CLYBL: variants seen among roughly 807,000 people sequenced by gnomAD.
CLYBL encodes citramalyl-CoA lyase, also known as citramalyl-CoA lyase, mitochondrial.
Under a neutral mutation model 38.9 loss-of-function variants are expected in CLYBL, and 31 were observed. That is an observed-to-expected ratio of 0.80 (90% CI 0.60 to 1.08). The LOEUF (loss-of-function observed/expected upper bound fraction) is 1.08. Among genes scored for constraint, CLYBL ranks in the 50% least tolerant of loss-of-function variants. The pLI is 0.00. For missense variants in CLYBL, 434 were observed against 411.6 expected, an observed-to-expected ratio of 1.05 and a Z score of -0.47; for synonymous variants, 171 against 158.6, an observed-to-expected ratio of 1.08 and a Z score of -0.59.
At position 99,807,492 on chromosome 13, in the gene CLYBL, A is replaced by G. The variant is rs541527255; in HGVS notation, c.249+34482A>G. ...AAATGCGGTGTCTTTGTTTTTAAAA[A>G]GGAAAGATCTTCTGATACATGCTAC... is the stretch of plus-strand genomic sequence containing the variant. On this transcript the variant is annotated intron_variant, in intron 2 of 8. Transcript: ENST00000339105. Among the ~76,000 whole-genome samples, 4 of 152,348 alleles carry G rather than the reference A, an allele frequency of 2.6e-5. No individual in the cohort carries two copies. The South Asian group carries it at 8.3e-4, about 32-fold the overall frequency.
intron 2 of CLYBL, among the ~76,000 whole-genome samples, chr13:99,816,181 T>C (rs2050443952): frequency 6.6e-6 from 1 of 152,248 alleles, no homozygotes; most frequent in Non-Finnish European, 1.5e-5. Flanking sequence ...AACTTCTATA[T>C]TTGGCATAAA....
chr13:99,657,807 T>C, intron 1 of CLYBL, among the ~76,000 whole-genome samples: 1 of 152,032 alleles, frequency 6.6e-6, no homozygotes, highest in East Asian at 1.9e-4. Flanking sequence ...GCAATTAAGG[T>C]TTGTTATTGA....
At chr13:99,789,920 C>T (rs554446875) in intron 2 of CLYBL, among the ~76,000 whole-genome samples, 1 of 152,274 alleles carries the variant, frequency 6.6e-6, no homozygotes, top group South Asian at 2.1e-4. Flanking sequence ...AGTTAGTCTT[C>T]TTATTAAATT....
intron 1 of CLYBL, among the ~76,000 whole-genome samples, chr13:99,743,119 TAC>T (rs1367078101): frequency 6.6e-6 from 1 of 151,726 alleles, no homozygotes; most frequent in Non-Finnish European, 1.5e-5. Flanking sequence ...TTTAAAACAC[TAC>T]AGTGTTTAGG....
chr13:99,686,217 A>G (rs1238595580), intron 1 of CLYBL, among the ~76,000 whole-genome samples: 1 of 152,172 alleles, frequency 6.6e-6, no homozygotes, highest in Non-Finnish European at 1.5e-5. Flanking sequence ...CTTTCAATCC[A>G]GGCTACATGC....
intron 1 of CLYBL, among the ~76,000 whole-genome samples, chr13:99,683,872 AT>A (rs951783647): frequency 5.6e-4 from 81 of 144,086 alleles, no homozygotes; most frequent in African/African-American, 5.3e-4. Flanking sequence ...TATATATAAA[AT>A]TTTTTTTTTT....
At chr13:99,847,883 C>T (rs924498684) in intron 2 of CLYBL, among the ~76,000 whole-genome samples, 1 of 152,168 alleles carries the variant, frequency 6.6e-6, no homozygotes, top group East Asian at 1.9e-4. Context: ...TCCTTTCTCC[C>T]CAATGGAACG....
rs1237018512 is a variant in CLYBL, at chr13:99,865,864, C to A, written c.635-376C>A. On this transcript the variant is annotated intron_variant, in intron 5 of 8. Transcript: ENST00000339105. The surrounding 1 kb of genome is among the most constrained non-coding windows in gnomAD (Gnocchi z 4.7). Reference sequence around the variant, plus strand: ...TTGCTGTGAAACACGAACCATTGCCCTGCATAGCTGCTGGGCCACCCTTTG... The same window carrying A: ...TTGCTGTGAAACACGAACCATTGCCATGCATAGCTGCTGGGCCACCCTTTG... Among the ~76,000 whole-genome samples the A allele has an allele frequency of 6.6e-6, 1 of 152,192 alleles. No individual in the cohort carries two copies. The highest frequency in any genetic ancestry group is 6.5e-5 in the Admixed American group (1 of 15,286).
At chr13:99,880,050 G>GTGTATA (rs1555324322) in intron 7 of CLYBL, among the ~76,000 whole-genome samples, 2 of 97,592 alleles carry the variant, frequency 2.0e-5, no homozygotes, top group Non-Finnish European at 4.0e-5. Flanking sequence ...ATGTGTGTAT[G>GTGTATA]TATATATATA....
chr13:99,677,971 C>T (rs1238586942), intron 1 of CLYBL, among the ~76,000 whole-genome samples: 3 of 152,188 alleles, frequency 2.0e-5, no homozygotes, highest in Non-Finnish European at 4.4e-5. Context: ...GCTTTTCCTC[C>T]TGACATGCTA....
At chr13:99,786,188 G>T (rs2049788865) in intron 2 of CLYBL, among the ~76,000 whole-genome samples, 3 of 142,572 alleles carry the variant, frequency 2.1e-5, no homozygotes, top group Non-Finnish European at 3.1e-5. Flanking sequence ...TTTTTTTTCT[G>T]GCTTAGCTTT....
At chr13:99,857,641 T>C (rs1490122097) in intron 2 of CLYBL, among the ~76,000 whole-genome samples, 1 of 152,222 alleles carries the variant, frequency 6.6e-6, no homozygotes, top group East Asian at 1.9e-4. Context: ...AAGCATTCCT[T>C]GCTTCTCCCC....
chr13:99,809,972 A>G (rs929513516), intron 2 of CLYBL, among the ~76,000 whole-genome samples: 2 of 152,342 alleles, frequency 1.3e-5, no homozygotes. Context: ...AGAATAACCT[A>G]TGCCCAAGTT....
In CLYBL at chr13:99,876,273, C is replaced by G. The variant is rs140064523; in HGVS notation, c.927+5211C>G. Among the ~76,000 whole-genome samples the G allele has an allele frequency of 6.2e-3, 943 of 151,132 alleles. 9 individuals carry two copies. The highest frequency in any genetic ancestry group is 0.022 in the African/African-American group (903 of 41,242). On this transcript the variant is annotated intron_variant, in intron 7 of 8. Coordinates refer to ENST00000339105, the MANE Select transcript of CLYBL (RefSeq NM_206808.5). ...CGTCTCTACCAAAAATACAAAAAAT[C>G]AGCTGGGTGTGGTAGCGGGTGACTG...
chr13:99,652,669 C>T (rs977230678), intron 1 of CLYBL, among the ~76,000 whole-genome samples: 5 of 152,204 alleles, frequency 3.3e-5, no homozygotes, highest in African/African-American at 1.2e-4. Context: ...GGATGAGGTG[C>T]GAAAGGGTCC....
chr13:99,747,138 C>T (rs1031656893), intron 1 of CLYBL, among the ~76,000 whole-genome samples: 15 of 152,146 alleles, frequency 9.9e-5, no homozygotes, highest in African/African-American at 3.4e-4. Context: ...CTAACAGGCA[C>T]ATGCGCCATT....
chr13:99,703,893 T>A (rs1282546709), intron 1 of CLYBL, among the ~76,000 whole-genome samples: 1 of 152,212 alleles, frequency 6.6e-6, no homozygotes, highest in Non-Finnish European at 1.5e-5. Context: ...ACATATAAGA[T>A]AATGTATAGC....
intron 7 of CLYBL, among the ~76,000 whole-genome samples, chr13:99,885,537 GT>G (rs1295963476): frequency 6.6e-6 from 1 of 152,166 alleles, no homozygotes; most frequent in Non-Finnish European, 1.5e-5. Flanking sequence ...CATCAGATCT[GT>G]TTTAGAAAGA....
At chr13:99,764,758 C>T (rs140458701) in intron 1 of CLYBL, among the ~76,000 whole-genome samples, 70 of 152,228 alleles carry the variant, frequency 4.6e-4, no homozygotes, top group African/African-American at 1.6e-3. Context: ...GTCACTACAA[C>T]CCTGAACTCG....
Sources: gnomAD v4.1 joint callset for allele counts (sites outside exome capture counted in the v4.1 genomes callset) on GRCh38, gnomAD v4.1.1 for gene constraint, Gnocchi (gnomAD v3.1) non-coding constraint, MANE v1.5 for transcripts, NCBI Gene and HGNC (gene_info 2026-07-23, HGNC 2026-07-21) for gene names.